Variants in ASPDH observed in about 807,000 individuals in gnomAD.
The protein encoded by ASPDH is aspartate dehydrogenase domain-containing protein.
Under a neutral mutation model 30.5 loss-of-function variants are expected in ASPDH, and 25 were observed. The ratio of observed to expected loss-of-function variants is 0.82; its 90% confidence interval spans 0.60 to 1.14. ASPDH has a LOEUF of 1.14. Ranked by LOEUF, ASPDH falls within the 50% of genes most tolerant of loss-of-function variation. The pLI is 0.00. For missense variants in ASPDH, 401 were observed against 381.5 expected (o/e 1.05, Z -0.43); for synonymous variants, 168 against 156.3 (o/e 1.07, Z -0.56).
At chr19:50,514,501 G>A, upstream of ASPDH, 1 of 1,614,062 alleles carries the variant, frequency 6.2e-7, no homozygotes, top group Non-Finnish European at 8.5e-7. Context: ...CTTTCACTCT[G>A]TCCCCCATCG....
chr19:50,511,619 G>T lies in ASPDH; in HGVS notation c.*111C>A, dbSNP rs913683289. On this transcript the variant is annotated 3_prime_UTR_variant, in exon 7 of 7. Transcript: ENST00000389208. ...AGGCGGTGCGGGGGGAGGCAGCGGT[G>T]ATCTTTACTGAGTCAGAAGGGAGAC... 8.5e-6 allele frequency: 5 copies of T among 586,698 alleles called. No homozygotes were observed. Among genetic ancestry groups the T allele is most frequent in the African/African-American group, 3.9e-5 (2 of 51,192 alleles). The allele number at this position is 586,698 out of a possible 1,614,324, so 36.3% of individuals were successfully genotyped here.
Position 50,513,181 on chromosome 19 carries a change from G to C in ASPDH, c.197+91C>G. ...ATTTGCTTGAACCAAGGCCCAGAGA[G>C]GGTCAGGGAACCCCTGAGATCACAC... On this transcript the variant is annotated intron_variant, in intron 2 of 6. Transcript: ENST00000389208. This position sits in a 1 kb window ranked among gnomAD's most constrained non-coding sequence, Gnocchi z 4.9. 1 of 1,318,490 alleles carries C rather than the reference G, an allele frequency of 7.6e-7. No homozygotes were observed. Among genetic ancestry groups the C allele is most frequent in the Non-Finnish European group, 1.0e-6 (1 of 980,238 alleles). 81.7% of individuals were successfully genotyped at this position (1,318,490 alleles called of 1,614,324 possible).
chr19:50,514,250 C>T (rs1330429419), upstream of ASPDH, among the ~76,000 whole-genome samples: 1 of 152,200 alleles, frequency 6.6e-6, no homozygotes, highest in Non-Finnish European at 1.5e-5. Flanking sequence ...CCCTCGTGCT[C>T]ACCTCTCCTC....
upstream of ASPDH, chr19:50,514,817 G>GGCC: frequency 4.3e-6 from 2 of 466,566 alleles, no homozygotes; most frequent in Non-Finnish European, 6.6e-6. Flanking sequence ...GGGGGGGCGG[G>GGCC]CACTGGGTGG....
chr19:50,511,996 G>A (rs770015910), intron 6 of ASPDH, 140 bp downstream of exon 6: 138 of 812,802 alleles, frequency 1.7e-4, no homozygotes, highest in South Asian at 6.1e-4. Context: ...GTCATGGAGA[G>A]AGGTTAAGGA....
upstream of ASPDH, chr19:50,514,866 C>T (rs561649639): frequency 7.1e-6 from 7 of 984,918 alleles, no homozygotes; most frequent in East Asian, 2.3e-4. Context: ...AGGAGACAGA[C>T]GCGGGCAGAC....
upstream of ASPDH, chr19:50,513,933 TCA>T: frequency 7.3e-7 from 1 of 1,372,858 alleles, no homozygotes; most frequent in Middle Eastern, 2.6e-4. The surrounding 1 kb of genome is among the most constrained non-coding windows in gnomAD (Gnocchi z 4.9). Context: ...GCCTCTGGGC[TCA>T]GTCTTCCCCC....
In ASPDH at chr19:50,513,405, C is replaced by G. The variant is rs559514858; in HGVS notation, c.64G>C (p.Val22Leu). The G allele has an allele frequency of 2.0e-6, 3 of 1,511,208 alleles. No individual in the cohort carries two copies. Among genetic ancestry groups the G allele is most frequent in the Non-Finnish European group, 2.7e-6 (3 of 1,129,278 alleles). 93.6% of individuals were successfully genotyped at this position (1,511,208 alleles called of 1,614,324 possible). A position where few individuals can be genotyped will look rare whatever the true frequency, so the allele number is the denominator to read the frequency against. ...VGYGRLGQSL[V>L]SRLLAQGPEL... ...GGTCCCTGAGCCAAGAGGCGGGAGA[C>G]GAGGGACTGTCCTGGGGAGAGGGAA... Residue 22 changes from valine (V) to leucine (L), a missense_variant, in exon 2 of 7, where the codon GTC becomes CTC. By Grantham distance (32) the Val-to-Leu change is conservative (BLOSUM62 1). Coordinates refer to ENST00000389208, the MANE Select transcript of ASPDH (RefSeq NM_001114598.2). This position sits in a 1 kb window ranked among gnomAD's most constrained non-coding sequence, Gnocchi z 4.9.
rs1046326777 is a variant in ASPDH at position 50,513,895 on chromosome 19, C to A, written c.-72G>T. On this transcript the variant is annotated 5_prime_UTR_variant, in exon 1 of 7. Transcript: ENST00000389208. The surrounding 1 kb of genome is among the most constrained non-coding windows in gnomAD (Gnocchi z 4.9). ...GCCCGCTGCACAAGGCCTGGGCAGC[C>A]GCTGCTCTTTGGACATCTGACCCTT... is the stretch of plus-strand genomic sequence containing the variant. 1.3e-6 allele frequency: 2 copies of A among 1,507,272 alleles called. No individual in the cohort carries two copies. Among genetic ancestry groups the A allele is most frequent in the Admixed American group, 4.5e-5 (2 of 44,940 alleles). 93.4% of individuals were successfully genotyped at this position (1,507,272 alleles called of 1,614,324 possible).
chr19:50,511,624 TTACTG>T lies in ASPDH; in HGVS notation c.*101_*105del, dbSNP rs2122723802. The T allele has an allele frequency of 1.3e-5, 8 of 632,918 alleles. No individual in the cohort carries two copies. In the East Asian group the frequency reaches 2.4e-4, roughly 19 times the overall value. The allele number at this position is 632,918 out of a possible 1,614,324, so 39.2% of individuals were successfully genotyped here. On this transcript the variant is annotated 3_prime_UTR_variant, in exon 7 of 7. Transcript: ENST00000389208. ...GTGCGGGGGGAGGCAGCGGTGATCTTTACTGAGTCAGAAGGGAGACCCTGGGGAAG... is the reference window on the plus strand; with the variant it reads ...GTGCGGGGGGAGGCAGCGGTGATCTTAGTCAGAAGGGAGACCCTGGGGAAG...
At chr19:50,513,929 G>GA, upstream of ASPDH, 11 of 1,364,504 alleles carry the variant, frequency 8.1e-6, no homozygotes, top group Non-Finnish European at 8.9e-6. The surrounding 1 kb of genome is among the most constrained non-coding windows in gnomAD (Gnocchi z 4.9). Flanking sequence ...TTGAGCCTCT[G>GA]GGCTCAGTCT....
chr19:50,512,251 T>C lies in ASPDH; in HGVS notation c.693A>G (p.Gly231=). 1 of 1,612,582 alleles carries C rather than the reference T, an allele frequency of 6.2e-7. No individual in the cohort carries two copies. The highest frequency in any genetic ancestry group is 2.2e-5 in the East Asian group (1 of 44,832). The stretch of plus-strand genomic sequence containing the variant: ...AGCTTCGGCCCGTGGGGCCCCGGGG[T>C]CCGCTCAGCTCTACATCCACCACGT... ...DMHVVDVELS[G]PRGPTGRSFA... Residue 231 remains glycine, a synonymous_variant, in exon 6 of 7, where the codon GGA becomes GGG. Coordinates refer to ENST00000389208, the MANE Select transcript of ASPDH (RefSeq NM_001114598.2).
chr19:50,513,759 G>C lies in ASPDH; in HGVS notation c.52+13C>G. 6.5e-7 allele frequency: 1 copy of C among 1,537,814 alleles called. No individual in the cohort carries two copies. The highest frequency in any genetic ancestry group is 8.8e-7 in the Non-Finnish European group (1 of 1,134,616). ...GGTTTGGGGAAGGAGGCCAAGGATG[G>C]TCAGGGACTCACCGAGGCGGCCATA... On this transcript the variant is annotated intron_variant, in intron 1 of 6. Coordinates refer to ENST00000389208, the MANE Select transcript of ASPDH (RefSeq NM_001114598.2). This position sits in a 1 kb window ranked among gnomAD's most constrained non-coding sequence, Gnocchi z 4.9.
In ASPDH at chr19:50,512,910, G is replaced by A; in HGVS notation, c.282+17C>T. ...GAAGGGGCAGGGCTCTGCGTAAATG[G>A]TTGGGGTGGGGCTTACCAGGAGATT... On this transcript the variant is annotated intron_variant, in intron 3 of 6. Transcript: ENST00000389208. 3 of 1,610,786 alleles carry A rather than the reference G, an allele frequency of 1.9e-6. No homozygotes were observed. Among genetic ancestry groups the A allele is most frequent in the Non-Finnish European group, 2.5e-6 (3 of 1,178,148 alleles).
chr19:50,514,962 G>A (rs548855566), upstream of ASPDH: 158 of 985,436 alleles, frequency 1.6e-4, no homozygotes, highest in African/African-American at 4.4e-4. Flanking sequence ...AGGAGCCCCC[G>A]GTGTGGGAGA....
upstream of ASPDH, chr19:50,515,047 C>G: frequency 1.0e-6 from 1 of 985,352 alleles, no homozygotes; most frequent in Non-Finnish European, 1.2e-6. Flanking sequence ...GGGGGCCTCC[C>G]GCCATCTCTA....
Position 50,512,423 on chromosome 19 carries a change from G to A in ASPDH, c.590C>T (p.Ala197Val). Reference protein sequence around the residue: ...APRNSNTMAAAALAAPSLGFD... With the variant: ...APRNSNTMAAVALAAPSLGFD... The stretch of plus-strand genomic sequence containing the variant: ...GCCCAGGCTGGGGGCAGCCAGGGCA[G>A]CCGCCGCCATGGTGTTGGAATTTCG... The change falls in exon 5 of 7, where the codon GCT becomes GTT. Residue 197 changes from alanine to valine, a missense_variant. By Grantham distance (64) the Ala-to-Val change is moderately conservative (BLOSUM62 0). Transcript: ENST00000389208. 1 of 1,612,262 alleles carries A rather than the reference G, an allele frequency of 6.2e-7. No homozygotes were observed. The highest frequency in any genetic ancestry group is 8.5e-7 in the Non-Finnish European group (1 of 1,179,546).
chr19:50,512,959 C>T lies in ASPDH; in HGVS notation c.250G>A (p.Gly84Arg). 2.5e-6 allele frequency: 4 copies of T among 1,613,644 alleles called. No individual in the cohort carries two copies. The highest frequency in any genetic ancestry group is 2.2e-5 in the South Asian group (2 of 90,998). ...TTGGCATGGCGCAGGATTTGTGCCC[C>T]AGATTCATGGATTATTTTGGGATGG... Reference protein sequence around the residue: ...VAHPKIIHESGAQILRHANLL... With the variant: ...VAHPKIIHESRAQILRHANLL... The change falls in exon 3 of 7, where the codon GGG (glycine) becomes AGG (arginine). Residue 84 changes from glycine to arginine, a missense_variant. Gly to Arg is a moderately radical substitution (Grantham distance 125, BLOSUM62 -2). Coordinates refer to ENST00000389208, the MANE Select transcript of ASPDH (RefSeq NM_001114598.2).
chr19:50,513,407 AG>A lies in ASPDH; in HGVS notation c.61del (p.Leu21SerfsTer14), dbSNP rs772400385. ...VVGYGRLGQS[L>X]VSRLLAQGPE... ...TCCCTGAGCCAAGAGGCGGGAGACG[AG>A]GGACTGTCCTGGGGAGAGGGAAAGG... On this transcript the variant is annotated frameshift_variant, in exon 2 of 7. Coordinates refer to ENST00000389208, the MANE Select transcript of ASPDH (RefSeq NM_001114598.2). LOFTEE classifies it high-confidence loss of function. The surrounding 1 kb of genome is among the most constrained non-coding windows in gnomAD (Gnocchi z 4.9). The A allele has an allele frequency of 1.1e-5, 16 of 1,512,242 alleles. No homozygotes were observed. In the South Asian group the frequency reaches 1.2e-4, roughly 11 times the overall value. The allele number at this position is 1,512,242 out of a possible 1,614,324, so 93.7% of individuals were successfully genotyped here.
Sources: allele counts gnomAD v4.1 joint callset (sites outside exome capture counted in the v4.1 genomes callset), GRCh38; gene constraint gnomAD v4.1.1; non-coding constraint Gnocchi (gnomAD v3.1); transcripts MANE v1.5; gene names NCBI Gene and HGNC (gene_info 2026-07-23, HGNC 2026-07-21).